Variants in SNRPG observed in about 807,000 individuals in gnomAD.
SNRPG encodes the protein small nuclear ribonucleoprotein G.
A neutral mutation model predicts 13.9 loss-of-function variants in SNRPG; 3 were observed. The ratio of observed to expected loss-of-function variants is 0.22; its 90% CI spans 0.10 to 0.56. The LOEUF is 0.56. SNRPG is among the 20% of genes least tolerant of loss of function. SNRPG has a pLI of 0.93. For synonymous variants in SNRPG, 29 were observed against 29.3 expected (o/e 0.99, Z 0.03); for missense variants, 34 against 96.1 (o/e 0.35, Z 2.70).
At chr2:70,283,238 G>A (rs1368372314) in intron 3 of SNRPG, among the ~76,000 whole-genome samples, 1 of 151,818 alleles carries the variant, frequency 6.6e-6, no homozygotes, top group Non-Finnish European at 1.5e-5. Context: ...AAGGCTAGGG[G>A]ACTAAAAACA....
At position 70,283,111 on chromosome 2, in the gene SNRPG, AAAAAAAAAAAAAAC is replaced by A. The variant is rs1696846923; in HGVS notation, c.181-1441_181-1428del. On this transcript the variant is annotated intron_variant, in intron 3 of 3. Transcript: ENST00000272348. ...TGTCTTTTGTCAAAAAAAAAAAAAA[AAAAAAAAAAAAAAC>A]AACAAACCAAAACCAAAACAAACCA... Among the ~76,000 whole-genome samples, 4 of 145,928 alleles carry A rather than the reference AAAAAAAAAAAAAAC, an allele frequency of 2.7e-5. 1 individual carries two copies. Among genetic ancestry groups the A allele is most frequent in the African/African-American group, 1.1e-4 (4 of 37,952 alleles).
At position 70,283,118 on chromosome 2, in the gene SNRPG, A is replaced by C. The variant is rs1336948383; in HGVS notation, c.181-1434T>G. 1.9e-3 allele frequency among the ~76,000 whole-genome samples: 280 copies of C among 148,902 alleles called. 14 individuals are homozygous for C. The highest frequency in any genetic ancestry group is 6.9e-3 in the African/African-American group (277 of 39,960). ...TGTCAAAAAAAAAAAAAAAAAAAAA[A>C]AAAAAACAACAAACCAAAACCAAAA... On this transcript the variant is annotated intron_variant, in intron 3 of 3. Transcript: ENST00000272348.
intron 3 of SNRPG, among the ~76,000 whole-genome samples, chr2:70,282,692 A>G (rs556567309): frequency 6.6e-6 from 1 of 152,318 alleles, no homozygotes; most frequent in Admixed American, 6.5e-5. Context: ...TATTATATAA[A>G]TACGCCGAAG....
At chr2:70,290,935 C>T (rs1041818970) in intron 1 of SNRPG, among the ~76,000 whole-genome samples, 7 of 147,762 alleles carry the variant, frequency 4.7e-5, no homozygotes, top group Non-Finnish European at 7.4e-5. Context: ...CGCTTGAACC[C>T]GGGAGGCACA....
At chr2:70,282,344 T>C (rs531875485) in intron 3 of SNRPG, among the ~76,000 whole-genome samples, 2 of 152,224 alleles carry the variant, frequency 1.3e-5, no homozygotes, top group African/African-American at 2.4e-5. Context: ...TATGAGATCA[T>C]TTAGGGAAGA....
chr2:70,282,698 C>T (rs1278146091), intron 3 of SNRPG, among the ~76,000 whole-genome samples: 3 of 151,812 alleles, frequency 2.0e-5, no homozygotes, highest in Admixed American at 6.6e-5. Context: ...ATAAATACGC[C>T]GAAGTTTGAA....
intron 1 of SNRPG, among the ~76,000 whole-genome samples, chr2:70,289,613 C>T (rs1366596499): frequency 6.6e-6 from 1 of 152,092 alleles, no homozygotes; most frequent in Admixed American, 6.5e-5. Flanking sequence ...GGAGTTGAGA[C>T]CAGCCTGGGC....
intron 1 of SNRPG, chr2:70,292,706 A>G (rs1697131137): frequency 6.2e-6 from 1 of 161,686 alleles, no homozygotes. Flanking sequence ...CCTGGTAATA[A>G]ATGAACTAAC....
At chr2:70,291,054 CACACAT>C (rs1482760642) in intron 1 of SNRPG, among the ~76,000 whole-genome samples, 501 of 138,772 alleles carry the variant, frequency 3.6e-3, no homozygotes, top group African/African-American at 0.013. Context: ...CACACACACA[CACACAT>C]ATATGAAGTA....
rs1406608772 is a variant in SNRPG, at chr2:70,293,623, C to T, written c.27G>A (p.Leu9=). MSKAHPPE[L]KKFMDKKLSL... is the part of the protein sequence containing the mutation. The stretch of plus-strand genomic sequence containing the variant: ...TGGCTCTCACACATACTTACTTTTT[C>T]AACTCGGGAGGGTGAGCTTTGCTCA... The change falls in exon 1 of 4, where the codon TTG becomes TTA. Residue 9 remains leucine, a synonymous_variant. Coordinates refer to ENST00000272348, the MANE Select transcript of SNRPG (RefSeq NM_003096.4). 6.2e-7 allele frequency: 1 copy of T among 1,614,092 alleles called. No homozygotes were observed. Among genetic ancestry groups the T allele is most frequent in the Admixed American group, 1.7e-5 (1 of 60,028 alleles).
intron 3 of SNRPG, among the ~76,000 whole-genome samples, chr2:70,286,170 C>A (rs538938570): frequency 8.5e-4 from 130 of 152,254 alleles, no homozygotes; most frequent in Admixed American, 2.1e-3. Flanking sequence ...TCAAGTGATC[C>A]TCCTGCTTCA....
intron 3 of SNRPG, among the ~76,000 whole-genome samples, chr2:70,285,524 A>G (rs1332433420): frequency 6.6e-6 from 1 of 151,850 alleles, no homozygotes; most frequent in African/African-American, 2.4e-5. Flanking sequence ...GTGACCCGAG[A>G]CCACACCATT....
chr2:70,290,604 A>G (rs1697059098), intron 1 of SNRPG, among the ~76,000 whole-genome samples: 1 of 152,006 alleles, frequency 6.6e-6, no homozygotes, highest in Non-Finnish European at 1.5e-5. Context: ...CACTTATTCA[A>G]TTTTAATGTA....
At chr2:70,290,823 TAAAAAAAAAAAAAAAAAAA>T (rs57720967) in intron 1 of SNRPG, among the ~76,000 whole-genome samples, 4 of 25,264 alleles carry the variant, frequency 1.6e-4, no homozygotes, top group African/African-American at 3.9e-4. Context: ...CCGTCTCTAC[TAAAAAAAAAAAAAAAAAAA>T]AAAAAAAAAA....
intron 1 of SNRPG, among the ~76,000 whole-genome samples, chr2:70,291,973 A>T (rs1697110142): frequency 7.4e-6 from 1 of 135,588 alleles, no homozygotes; most frequent in Non-Finnish European, 1.6e-5. Context: ...TTTGAGACGG[A>T]GTCTCGCTCT....
At chr2:70,292,372 AGTTTCG>A (rs1303778210) in intron 1 of SNRPG, among the ~76,000 whole-genome samples, 1 of 150,366 alleles carries the variant, frequency 6.7e-6, no homozygotes, top group Admixed American at 6.6e-5. Context: ...TTTGAAACAG[AGTTTCG>A]GTCTTGTTAC....
At chr2:70,286,664 AAAAT>A (rs1446308840) in intron 3 of SNRPG, among the ~76,000 whole-genome samples, 1 of 152,162 alleles carries the variant, frequency 6.6e-6, no homozygotes, top group East Asian at 1.9e-4. Flanking sequence ...CTGTGCAAAG[AAAAT>A]AAAGTCCATA....
At chr2:70,287,398 G>A (rs1696969858) in intron 3 of SNRPG, 1 of 693,724 alleles carries the variant, frequency 1.4e-6, no homozygotes, top group Non-Finnish European at 2.6e-6. Flanking sequence ...GGGACTCAAA[G>A]TCTGGGTATC....
At chr2:70,293,573 A>T (rs905125530) in intron 1 of SNRPG, 45 bp downstream of exon 1, 2 of 1,540,134 alleles carry the variant, frequency 1.3e-6, no homozygotes, top group Admixed American at 3.3e-5. Context: ...GACTCGCAGG[A>T]CGCAAATAAC....
Sources: allele counts gnomAD v4.1 joint callset (sites outside exome capture counted in the v4.1 genomes callset), GRCh38; gene constraint gnomAD v4.1.1; transcripts MANE v1.5; gene names NCBI Gene and HGNC (gene_info 2026-07-23, HGNC 2026-07-21).